PLCL1: variants seen among roughly 807,000 people sequenced by gnomAD.
The protein encoded by PLCL1 is inactive phospholipase C-like protein 1.
A neutral mutation model predicts 84.4 loss-of-function variants in PLCL1; 41 were observed. That is an observed-to-expected ratio of 0.49 (90% CI 0.38 to 0.63). The LOEUF is 0.63. Ranked by LOEUF, PLCL1 falls within the 30% of genes least tolerant of loss-of-function variation. The pLI is 0.00. For synonymous variants in PLCL1, 490 were observed against 488.3 expected (o/e 1.00, Z -0.05); for missense variants, 1,206 against 1,367.8 (o/e 0.88, Z 1.87).
intron 5 of PLCL1, among the ~76,000 whole-genome samples, chr2:198,140,692 T>C (rs1350045812): frequency 6.6e-6 from 1 of 152,200 alleles, no homozygotes; most frequent in East Asian, 1.9e-4. Context: ...ATATGGCTTA[T>C]TAAACATGTC....
At chr2:197,846,842 T>C (rs907011852) in intron 1 of PLCL1, among the ~76,000 whole-genome samples, 8 of 152,176 alleles carry the variant, frequency 5.3e-5, no homozygotes, top group Non-Finnish European at 1.2e-4. Flanking sequence ...ATATGGATGA[T>C]AGATCCTCAG....
intron 1 of PLCL1, among the ~76,000 whole-genome samples, chr2:197,911,961 C>A (rs1263668538): frequency 1.3e-5 from 2 of 152,188 alleles, no homozygotes; most frequent in African/African-American, 4.8e-5. Flanking sequence ...GCCGCTACCA[C>A]TTCATACATC....
At chr2:198,021,047 T>C (rs759327957) in intron 1 of PLCL1, among the ~76,000 whole-genome samples, 24 of 152,050 alleles carry the variant, frequency 1.6e-4, no homozygotes, top group Non-Finnish European at 3.1e-4. Context: ...TAACAAACAG[T>C]CTCTCAGACC....
intron 1 of PLCL1, among the ~76,000 whole-genome samples, chr2:198,081,941 T>C (rs1692723592): frequency 6.6e-6 from 1 of 152,228 alleles, no homozygotes; most frequent in Non-Finnish European, 1.5e-5. Context: ...ATATTTGAAA[T>C]AGTAATCTTA....
At chr2:198,137,145 A>C (rs1279406425) in intron 5 of PLCL1, among the ~76,000 whole-genome samples, 1 of 152,168 alleles carries the variant, frequency 6.6e-6, no homozygotes, top group Non-Finnish European at 1.5e-5. Context: ...TAAATAAAAA[A>C]ACACAAAAAA....
At chr2:197,974,086 G>A (rs958177425) in intron 1 of PLCL1, among the ~76,000 whole-genome samples, 2 of 152,192 alleles carry the variant, frequency 1.3e-5, no homozygotes, top group Non-Finnish European at 2.9e-5. Flanking sequence ...ATAAGAAAAG[G>A]CATAAATCAA....
intron 2 of PLCL1, among the ~76,000 whole-genome samples, chr2:198,086,806 T>C (rs1427144943): frequency 6.6e-6 from 1 of 152,184 alleles, no homozygotes; most frequent in East Asian, 1.9e-4. Flanking sequence ...AATCAATATA[T>C]GGAAATGTGC....
At chr2:197,905,578 A>G (rs1456751871) in intron 1 of PLCL1, among the ~76,000 whole-genome samples, 1 of 152,194 alleles carries the variant, frequency 6.6e-6, no homozygotes, top group Non-Finnish European at 1.5e-5. Context: ...TGTCTTTATA[A>G]TAGAATGATT....
intron 1 of PLCL1, among the ~76,000 whole-genome samples, chr2:198,011,808 T>C (rs61605589): frequency 0.18 from 27,995 of 152,086 alleles, 2,639 homozygotes; most frequent in East Asian, 0.26. Flanking sequence ...ATATCTGTTT[T>C]TTTACTGTTA....
chr2:197,810,429 A>G, intron 1 of PLCL1: 1 of 403,816 alleles, frequency 2.5e-6, no homozygotes, highest in South Asian at 2.0e-5. Flanking sequence ...TTTGGAAAAT[A>G]TATTAAGGCT....
At chr2:198,125,618 C>T (rs1429415866) in intron 5 of PLCL1, among the ~76,000 whole-genome samples, 1 of 151,600 alleles carries the variant, frequency 6.6e-6, no homozygotes, top group Non-Finnish European at 1.5e-5. Context: ...GGTTTAATAC[C>T]CTTGAAGGTG....
Position 198,012,753 on chromosome 2 carries a change from T to C in PLCL1, c.241-71005T>C, listed in dbSNP as rs910257997. On this transcript the variant is annotated intron_variant, in intron 1 of 5. Coordinates refer to ENST00000428675, the MANE Select transcript of PLCL1 (RefSeq NM_006226.4). ...TATATAAAAATTTATATATATTACA[T>C]ATATATAAACCTTAACGAGTTTGAG... Among the ~76,000 whole-genome samples the C allele has an allele frequency of 3.1e-4, 46 of 150,748 alleles. 1 individual carries two copies. The highest frequency in any genetic ancestry group is 1.1e-3 in the African/African-American group (44 of 41,314).
intron 5 of PLCL1, among the ~76,000 whole-genome samples, chr2:198,107,768 AG>A (rs981978765): frequency 6.6e-6 from 1 of 151,920 alleles, no homozygotes; most frequent in African/African-American, 2.4e-5. Context: ...AGAGCTTTTC[AG>A]ACAGAATTGA....
chr2:197,861,550 C>A (rs146644596), intron 1 of PLCL1, among the ~76,000 whole-genome samples: 2 of 152,096 alleles, frequency 1.3e-5, no homozygotes, highest in Non-Finnish European at 2.9e-5. Context: ...TGATTATAGC[C>A]GATTGGTCAG....
intron 1 of PLCL1, among the ~76,000 whole-genome samples, chr2:197,976,316 C>T (rs1220256819): frequency 6.6e-6 from 1 of 152,190 alleles, no homozygotes; most frequent in Non-Finnish European, 1.5e-5. Flanking sequence ...TAGAAGAGTC[C>T]ACTTTTGCTG....
At chr2:197,924,962 C>T (rs1192102466) in intron 1 of PLCL1, among the ~76,000 whole-genome samples, 1 of 151,964 alleles carries the variant, frequency 6.6e-6, no homozygotes, top group South Asian at 2.1e-4. Context: ...TGAATAAATT[C>T]GGGCAATCAA....
intron 1 of PLCL1, among the ~76,000 whole-genome samples, chr2:197,869,711 T>G (rs924006703): frequency 6.6e-6 from 1 of 152,188 alleles, no homozygotes; most frequent in African/African-American, 2.4e-5. Flanking sequence ...GGGACAGATG[T>G]GACTGAAAGA....
At chr2:198,109,477 A>G (rs1395604154) in intron 5 of PLCL1, among the ~76,000 whole-genome samples, 1 of 151,856 alleles carries the variant, frequency 6.6e-6, no homozygotes, top group Non-Finnish European at 1.5e-5. Context: ...TCAAAATGGA[A>G]ATTTTTCCTG....
At chr2:198,102,862 T>C (rs1367978987) in intron 4 of PLCL1, among the ~76,000 whole-genome samples, 1 of 152,058 alleles carries the variant, frequency 6.6e-6, no homozygotes, top group Non-Finnish European at 1.5e-5. Context: ...TTTCTGAAGA[T>C]GGAATGAGCT....
Sources: allele counts gnomAD v4.1 joint callset (sites outside exome capture counted in the v4.1 genomes callset), GRCh38; gene constraint gnomAD v4.1.1; transcripts MANE v1.5; gene names NCBI Gene and HGNC (gene_info 2026-07-23, HGNC 2026-07-21).